The following AHNAK variants were observed in gnomAD, a reference collection of about 807,000 sequenced individuals.
AHNAK encodes the protein AHNAK nucleoprotein.
AHNAK carries 23 observed loss-of-function variants against 37.8 expected under a neutral mutation model. The observed-to-expected ratio is 0.61, with a 90% CI of 0.44 to 0.86. The LOEUF is 0.86. AHNAK is among the 40% of genes least tolerant of loss of function. AHNAK has a pLI of 0.00. For synonymous variants in AHNAK, 2,481 were observed against 2,636.3 expected (o/e 0.94, Z 1.80); for missense variants, 7,411 against 7,319.4 (o/e 1.01, Z -0.46).
Position 62,524,999 on chromosome 11 carries a change from C to A in AHNAK, c.9418G>T (p.Asp3140Tyr), listed in dbSNP as rs368854220. The A allele has an allele frequency of 6.2e-7, 1 of 1,613,152 alleles. No homozygotes were observed. The highest frequency in any genetic ancestry group is 2.2e-5 in the East Asian group (1 of 44,824). ...AGGTGCCAGTCTGGGCCTTGAACAT[C>A]CACATCTGGGGCATTAATATCCACT... ...PKVDINAPDV[D>Y]VQGPDWHLKM... The change falls in exon 5 of 5, where the codon GAT becomes TAT. Residue 3140 changes from aspartate (D) to tyrosine (Y), a missense_variant. Transcript: ENST00000378024.
intron 5 of AHNAK, among the ~76,000 whole-genome samples, chr11:62,483,674 C>T (rs562988197): frequency 9.3e-4 from 141 of 151,414 alleles, no homozygotes; most frequent in African/African-American, 3.2e-3. Context: ...CTGGCTAACA[C>T]GGTGAAACCC....
At chr11:62,503,582 C>CA (rs550775832) in intron 4 of AHNAK, among the ~76,000 whole-genome samples, 18,093 of 127,374 alleles carry the variant, frequency 0.14, 2,913 homozygotes, top group African/African-American at 0.4. Flanking sequence ...GACTCCATCT[C>CA]AAAAAAAAAA....
Position 62,527,063 on chromosome 11 carries a change from T to G in AHNAK, c.7354A>C (p.Asn2452His). 1 of 1,614,180 alleles carries G rather than the reference T, an allele frequency of 6.2e-7. No homozygotes were observed. The highest frequency in any genetic ancestry group is 8.5e-7 in the Non-Finnish European group (1 of 1,180,034). The change falls in exon 5 of 5, where the codon AAT becomes CAT. Residue 2452 changes from asparagine to histidine, a missense_variant. Asn to His is a moderately conservative substitution (Grantham distance 68). Transcript: ENST00000378024. Reference protein sequence around the residue: ...KMPDMHFKAPNISMPDVDLNL... With the variant: ...KMPDMHFKAPHISMPDVDLNL... ...AGATCAACATCAGGCATAGAAATAT[T>G]GGGGGCTTTGAAATGCATATCAGGC... is the stretch of plus-strand genomic sequence containing the variant.
At chr11:62,505,229 C>T (rs769497022) in intron 4 of AHNAK, among the ~76,000 whole-genome samples, 55 of 152,278 alleles carry the variant, frequency 3.6e-4, no homozygotes, top group Non-Finnish European at 6.9e-4. Context: ...CGTCTTTGCT[C>T]CCCTCTGTGT....
At chr11:62,439,916 C>T (rs892321195) in intron 5 of AHNAK, among the ~76,000 whole-genome samples, 7 of 152,096 alleles carry the variant, frequency 4.6e-5, no homozygotes, top group Non-Finnish European at 7.4e-5. Context: ...GATCCGCCCG[C>T]CTCCGCCTCC....
At chr11:62,473,124 C>T (rs111312025) in intron 5 of AHNAK, among the ~76,000 whole-genome samples, 3,715 of 122,968 alleles carry the variant, frequency 0.03, 190 homozygotes, top group African/African-American at 0.11. Context: ...AGGCCAGGTG[C>T]GGTGGCTCAT....
chr11:62,454,841 C>T (rs111280559), intron 5 of AHNAK, among the ~76,000 whole-genome samples: 1,597 of 152,234 alleles, frequency 0.01, 27 homozygotes, highest in African/African-American at 0.036. Flanking sequence ...TCCAGCCCCT[C>T]CTCAAACGGC....
At chr11:62,484,764 A>T (rs947072922) in intron 5 of AHNAK, among the ~76,000 whole-genome samples, 1 of 152,048 alleles carries the variant, frequency 6.6e-6, no homozygotes, top group African/African-American at 2.4e-5. Flanking sequence ...TACTTGACTT[A>T]GGTTTTGTTT....
rs139354282 is a variant in AHNAK, at chr11:62,480,827, A to AAAAAAAAAAAAAG, written c.442+10904_442+10905insCTTTTTTTTTTTT. On this transcript the variant is annotated intron_variant, in intron 5 of 5. Transcript: ENST00000257247. ...TTAAAAAAAAAAAAAAAAAAAAAAA[A>AAAAAAAAAAAAAG]CCTGGATTTGCTGCCTTCTGGTCTG... is the stretch of plus-strand genomic sequence containing the variant. Among the ~76,000 whole-genome samples, 7 of 120,886 alleles carry AAAAAAAAAAAAAG rather than the reference A, an allele frequency of 5.8e-5. 3 individuals carry two copies. The highest frequency in any genetic ancestry group is 1.2e-4 in the Non-Finnish European group (7 of 57,892). 79.3% of individuals were successfully genotyped at this position (120,886 alleles called of 152,430 possible). A position where few individuals can be genotyped will look rare whatever the true frequency, so the allele number is the denominator to read the frequency against.
intron 5 of AHNAK, among the ~76,000 whole-genome samples, chr11:62,486,939 G>C (rs536689173): frequency 4.6e-5 from 7 of 152,248 alleles, no homozygotes; most frequent in Non-Finnish European, 1.0e-4. Context: ...TCAGAATAGA[G>C]AGAGAGGGTT....
At chr11:62,503,451 C>T (rs944283354) in intron 4 of AHNAK, among the ~76,000 whole-genome samples, 4 of 151,804 alleles carry the variant, frequency 2.6e-5, no homozygotes, top group African/African-American at 9.7e-5. Context: ...GGCATGGTGG[C>T]GGGCGCCTGT....
rs766598580 is a variant in AHNAK at position 62,520,807 on chromosome 11, A to G, written c.13610T>C (p.Met4537Thr). The part of the protein sequence containing the change: ...NLKGPKIKGD[M>T]DISVPKLEGD... The stretch of plus-strand genomic sequence containing the variant: ...CTCCAGTTTAGGAACGGAAATGTCC[A>G]TATCTCCTTTTATCTTAGGTCCTTT... The change falls in exon 5 of 5, where the codon ATG (methionine) becomes ACG (threonine). Residue 4537 changes from methionine to threonine, a missense_variant. Coordinates refer to ENST00000378024, the MANE Select transcript of AHNAK (RefSeq NM_001620.3). The G allele has an allele frequency of 4.3e-6, 7 of 1,614,094 alleles. No homozygotes were observed. In the East Asian group the frequency reaches 8.9e-5, roughly 21 times the overall value.
chr11:62,531,379 C>T lies in AHNAK; in HGVS notation c.3038G>A (p.Gly1013Glu), dbSNP rs775800883. The change falls in exon 5 of 5, where the codon GGA (glycine) becomes GAA (glutamate). Residue 1013 changes from glycine to glutamate, a missense_variant. Coordinates refer to ENST00000378024, the MANE Select transcript of AHNAK (RefSeq NM_001620.3). ...MPKFSMPSLK[G>E]EGPEFDVNLS... ...GTTCACATCAAATTCTGGCCCCTCTCCTTTGAGGCTGGGCATGCTAAATTT... is the reference window on the plus strand; with the variant it reads ...GTTCACATCAAATTCTGGCCCCTCTTCTTTGAGGCTGGGCATGCTAAATTT... 25 of 1,613,962 alleles carry T rather than the reference C, an allele frequency of 1.5e-5. No homozygotes were observed.
At chr11:62,492,134 G>A (rs1460782488) in intron 4 of AHNAK, among the ~76,000 whole-genome samples, 1 of 152,140 alleles carries the variant, frequency 6.6e-6, no homozygotes, top group Admixed American at 6.6e-5. Context: ...ACCAGACCCA[G>A]TCATTCTCCT....
In AHNAK at chr11:62,529,970, G is replaced by C; in HGVS notation, c.4447C>G (p.Pro1483Ala). 6.2e-7 allele frequency: 1 copy of C among 1,613,522 alleles called. No individual in the cohort carries two copies. The highest frequency in any genetic ancestry group is 1.3e-5 in the African/African-American group (1 of 74,810). ...VPKVEGEIKA[P>A]DVDIKGPKVD... is the part of the protein sequence containing the mutation. ...TTGGGGCCTTTGATGTCAACATCAG[G>C]AGCTTTTATCTCTCCTTCTACTTTT... is the stretch of plus-strand genomic sequence containing the variant. Residue 1483 changes from proline to alanine, a missense_variant, in exon 5 of 5, where the codon CCT (proline) becomes GCT (alanine). By Grantham distance (27) the Pro-to-Ala change is conservative (BLOSUM62 -1). Transcript: ENST00000378024.
At chr11:62,512,145 C>A (rs1432231664), downstream of AHNAK, among the ~76,000 whole-genome samples, 2 of 152,180 alleles carry the variant, frequency 1.3e-5, no homozygotes, top group Admixed American at 1.3e-4. This position sits in a 1 kb window ranked among gnomAD's most constrained non-coding sequence, Gnocchi z 4.0. Context: ...CTGCACCTGG[C>A]CTTGTCCTGG....
chr11:62,529,525 C>G lies in AHNAK; in HGVS notation c.4892G>C (p.Gly1631Ala), dbSNP rs767805372. 5 of 1,614,116 alleles carry G rather than the reference C, an allele frequency of 3.1e-6. No homozygotes were observed. The highest frequency in any genetic ancestry group is 1.6e-4 in the Middle Eastern group (1 of 6,062). Residue 1631 changes from glycine to alanine, a missense_variant, in exon 5 of 5, where the codon GGT (glycine) becomes GCT (alanine). Transcript: ENST00000378024. ...GGGGCCCTTCAACTTCCCTTCTGGACCTTCAATATCAATATCACCAACATT... is the reference window on the plus strand; with the variant it reads ...GGGGCCCTTCAACTTCCCTTCTGGAGCTTCAATATCAATATCACCAACATT... ...DVNVGDIDIE[G>A]PEGKLKGPKF...
chr11:62,526,654 A>C lies in AHNAK; in HGVS notation c.7763T>G (p.Leu2588Arg). ...KISMPDFDLHLKGPKVKGDVD... is the reference protein window; with the variant it reads ...KISMPDFDLHRKGPKVKGDVD... ...ATCGCCCTTCACCTTGGGACCTTTC[A>C]GATGCAAATCAAAGTCAGGCATGGA... The change falls in exon 5 of 5, where the codon CTG becomes CGG. Residue 2588 changes from leucine (L) to arginine (R), a missense_variant. Transcript: ENST00000378024. 14 of 1,611,942 alleles carry C rather than the reference A, an allele frequency of 8.7e-6. No individual in the cohort carries two copies. The highest frequency in any genetic ancestry group is 1.2e-5 in the Non-Finnish European group (14 of 1,179,524).
At position 62,527,579 on chromosome 11, in the gene AHNAK, C is replaced by T. The variant is rs746332471; in HGVS notation, c.6838G>A (p.Asp2280Asn). The T allele has an allele frequency of 6.2e-7, 1 of 1,613,436 alleles. No homozygotes were observed. Among genetic ancestry groups the T allele is most frequent in the Admixed American group, 1.7e-5 (1 of 59,928 alleles). Residue 2280 changes from aspartate (D) to asparagine (N), a missense_variant, in exon 5 of 5, where the codon GAT (aspartate) becomes AAT (asparagine). Physicochemically the swap from Asp to Asn is conservative, Grantham distance 23. Coordinates refer to ENST00000378024, the MANE Select transcript of AHNAK (RefSeq NM_001620.3). Reference sequence around the variant, plus strand: ...AGGCTCACATCTGGGACTTCAACATCCACCTTGGGTCCTGAGACATCAACG... The same window carrying T: ...AGGCTCACATCTGGGACTTCAACATTCACCTTGGGTCCTGAGACATCAACG... ...ADVDVSGPKV[D>N]VEVPDVSLEG...
Sources: allele counts gnomAD v4.1 joint callset (sites outside exome capture counted in the v4.1 genomes callset), GRCh38; gene constraint gnomAD v4.1.1; non-coding constraint Gnocchi (gnomAD v3.1); transcripts MANE v1.5; gene names NCBI Gene and HGNC (gene_info 2026-07-23, HGNC 2026-07-21).